SREK1IP1: variants seen among roughly 807,000 people sequenced by gnomAD.
SREK1IP1 encodes SREK1 interacting protein 1.
In SREK1IP1, 12 loss-of-function variants were observed where a neutral mutation model predicts 22.8. The ratio of observed to expected loss-of-function variants is 0.53; its 90% CI spans 0.34 to 0.85. The LOEUF (loss-of-function observed/expected upper bound fraction) is 0.85, where lower values mean the gene tolerates loss of function less well. Among genes scored for constraint, SREK1IP1 ranks in the 40% least tolerant of loss-of-function variants. The pLI, the probability that SREK1IP1 is intolerant of heterozygous loss-of-function variation, is 0.02. For synonymous variants in SREK1IP1, 53 were observed against 52.7 expected (o/e 1.01, Z -0.02); for missense variants, 147 against 171.8 (o/e 0.86, Z 0.81).
rs144451513 is a variant in SREK1IP1, at chr5:64,747,881, C to T, written c.61+6434G>A. On this transcript the variant is annotated intron_variant, in intron 2 of 4. Transcript: ENST00000513458. ...AGGCAGAGGTTAGGTTGCAGTGAGC[C>T]GAGATGGCGCCACTGCACTCCAGCC... Among the ~76,000 whole-genome samples, 357 of 151,644 alleles carry T rather than the reference C, an allele frequency of 2.4e-3. 1 individual carries two copies. Among genetic ancestry groups the T allele is most frequent in the African/African-American group, 7.5e-3 (311 of 41,332 alleles).
intron 2 of SREK1IP1, among the ~76,000 whole-genome samples, chr5:64,752,341 C>T (rs917234997): frequency 3.3e-5 from 5 of 151,592 alleles, no homozygotes; most frequent in East Asian, 1.9e-4. Context: ...TTAGTAGAGA[C>T]GGGGTTTCAT....
chr5:64,768,304 G>A (rs555326692), intron 1 of SREK1IP1, among the ~76,000 whole-genome samples: 1 of 152,154 alleles, frequency 6.6e-6, no homozygotes, highest in Non-Finnish European at 1.5e-5. Flanking sequence ...CTTGGCTCCT[G>A]GGGGGAAGAT....
chr5:64,724,757 C>T (rs530948695), intron 4 of SREK1IP1, among the ~76,000 whole-genome samples, 184 bp from the exon 5 acceptor site: 10 of 152,216 alleles, frequency 6.6e-5, no homozygotes, highest in Admixed American at 2.0e-4. Flanking sequence ...GCTGCTTGGT[C>T]ACAGAAACCA....
chr5:64,767,724 C>T (rs191325558), intron 1 of SREK1IP1, among the ~76,000 whole-genome samples: 201 of 152,068 alleles, frequency 1.3e-3, no homozygotes, highest in African/African-American at 4.7e-3. Context: ...TACTAAAGTG[C>T]GCTGGGAATT....
intron 3 of SREK1IP1, among the ~76,000 whole-genome samples, chr5:64,738,231 A>C (rs1742497026): frequency 6.6e-6 from 1 of 152,222 alleles, no homozygotes; most frequent in Non-Finnish European, 1.5e-5. Context: ...CACTATGATC[A>C]AGTGGGATTC....
rs866131229 is a variant in SREK1IP1 at position 64,768,594 on chromosome 5, C to A, written c.-77G>T. 9 of 1,608,664 alleles carry A rather than the reference C, an allele frequency of 5.6e-6. No individual in the cohort carries two copies. The African/African-American group carries it at 8.0e-5, about 14-fold the overall frequency. On this transcript the variant is annotated 5_prime_UTR_variant, in exon 1 of 5. Coordinates refer to ENST00000513458, the MANE Select transcript of SREK1IP1 (RefSeq NM_173829.4). ...CTTCCCGCCAGCTGTGAGAACAAGGCACAGTCAAAGCGGCGTTTTCCTTCC... is the reference window on the plus strand; with the variant it reads ...CTTCCCGCCAGCTGTGAGAACAAGGAACAGTCAAAGCGGCGTTTTCCTTCC...
At chr5:64,732,802 T>C (rs1472582823) in intron 3 of SREK1IP1, among the ~76,000 whole-genome samples, 1 of 151,956 alleles carries the variant, frequency 6.6e-6, no homozygotes, top group Admixed American at 6.6e-5. Context: ...ACTTATTTTA[T>C]AGCTATATGA....
intron 4 of SREK1IP1, among the ~76,000 whole-genome samples, chr5:64,725,861 C>CTTTTTTT (rs547845420): frequency 1.8e-5 from 2 of 112,026 alleles, no homozygotes; most frequent in African/African-American, 3.4e-5. Flanking sequence ...TTGTTTGTTT[C>CTTTTTTT]TTTTTTTTTT....
chr5:64,759,474 TC>T (rs1742908128), intron 1 of SREK1IP1, among the ~76,000 whole-genome samples: 1 of 152,056 alleles, frequency 6.6e-6, no homozygotes, highest in African/African-American at 2.4e-5. Context: ...TCCTTTCTAA[TC>T]ATGACCTGCA....
rs78298177 is a variant in SREK1IP1, at chr5:64,721,853, A to G, written c.*2531T>C. ...GTGAATATTGCTTGAATTTTAAAAT[A>G]TTGATAATTATATATATTAAACCTT... On this transcript the variant is annotated 3_prime_UTR_variant, in exon 5 of 5. Transcript: ENST00000513458. 2.8e-4 allele frequency: 43 copies of G among 152,292 alleles called. 1 individual carries two copies. The East Asian group carries it at 6.0e-3, about 21-fold the overall frequency. 9.4% of individuals were successfully genotyped at this position (152,292 alleles called of 1,614,324 possible).
chr5:64,729,350 G>A (rs906906936), intron 3 of SREK1IP1, among the ~76,000 whole-genome samples: 4 of 152,190 alleles, frequency 2.6e-5, no homozygotes, highest in East Asian at 1.9e-4. Context: ...ATGTCAGGAA[G>A]AGGAAATTAG....
At chr5:64,757,860 T>C (rs1462401770) in intron 1 of SREK1IP1, among the ~76,000 whole-genome samples, 1 of 125,054 alleles carries the variant, frequency 8.0e-6, no homozygotes, top group Non-Finnish European at 1.7e-5. Context: ...TAGGTTCCTA[T>C]CTTTTTTTTT....
rs1743118915 is a variant in SREK1IP1 at position 64,768,676 on chromosome 5, G to C, written c.-159C>G. 3 of 898,504 alleles carry C rather than the reference G, an allele frequency of 3.3e-6. No individual in the cohort carries two copies. The highest frequency in any genetic ancestry group is 3.5e-6 in the Non-Finnish European group (2 of 571,092). The allele number at this position is 898,504 out of a possible 1,614,324, so 55.7% of individuals were successfully genotyped here. On this transcript the variant is annotated 5_prime_UTR_variant, in exon 1 of 5. Coordinates refer to ENST00000513458, the MANE Select transcript of SREK1IP1 (RefSeq NM_173829.4). ...GAAGGGCCTGTACGCCTCTAGCGAC[G>C]GCAGAACCAGTAGATGCGGATGCAG...
Position 64,749,402 on chromosome 5 carries a change from G to A in SREK1IP1, c.61+4913C>T, listed in dbSNP as rs577615801. 1.7e-3 allele frequency among the ~76,000 whole-genome samples: 254 copies of A among 151,646 alleles called. 1 individual carries two copies. The Middle Eastern group carries it at 0.017, about 10-fold the overall frequency. ...TTTTGGTTCCACCCCTAAAAATGCC[G>A]GCCTCTTCTGTAGTCATATATTCTT... On this transcript the variant is annotated intron_variant, in intron 2 of 4. Transcript: ENST00000513458.
intron 1 of SREK1IP1, among the ~76,000 whole-genome samples, 191 bp downstream of exon 1, chr5:64,768,314 T>C (rs11953081): frequency 1.2e-3 from 188 of 152,342 alleles, no homozygotes; most frequent in African/African-American, 4.3e-3. Context: ...GGGGGGAAGA[T>C]AGTTATTTTC....
chr5:64,766,654 A>G (rs1743036926), intron 1 of SREK1IP1, among the ~76,000 whole-genome samples: 1 of 152,224 alleles, frequency 6.6e-6, no homozygotes, highest in East Asian at 1.9e-4. Flanking sequence ...ACAGGTCCTT[A>G]AAGAGCTGGA....
rs1742137480 is a variant in SREK1IP1, at chr5:64,720,350, T to C, written c.*4034A>G. The C allele has an allele frequency of 6.6e-6, 1 of 152,134 alleles. No homozygotes were observed. Among genetic ancestry groups the C allele is most frequent in the Admixed American group, 6.5e-5 (1 of 15,268 alleles). 9.4% of individuals were successfully genotyped at this position (152,134 alleles called of 1,614,324 possible). A position where few individuals can be genotyped will look rare whatever the true frequency, so the allele number is the denominator to read the frequency against. On this transcript the variant is annotated 3_prime_UTR_variant, in exon 5 of 5. Transcript: ENST00000513458. ...ATTTTTGGAAATAATAATGAGACTG[T>C]AGAAAGAAATGTGAGTCTAATAATA...
intron 1 of SREK1IP1, 31 bp downstream of exon 1, chr5:64,768,474 C>G (rs967675616): frequency 2.5e-6 from 4 of 1,613,976 alleles, no homozygotes; most frequent in African/African-American, 2.7e-5. Flanking sequence ...CTTCGGAGCT[C>G]GGACGCAGAG....
intron 1 of SREK1IP1, among the ~76,000 whole-genome samples, chr5:64,760,336 C>CT (rs1202720825): frequency 3.3e-5 from 5 of 152,200 alleles, no homozygotes; most frequent in Non-Finnish European, 7.3e-5. Context: ...GAAATTACTT[C>CT]TCTTCTAATT....
Sources: gnomAD v4.1 joint callset for allele counts (sites outside exome capture counted in the v4.1 genomes callset) on GRCh38, gnomAD v4.1.1 for gene constraint, MANE v1.5 for transcripts, NCBI Gene and HGNC (gene_info 2026-07-23, HGNC 2026-07-21) for gene names.